Variants in DCLK1 observed in about 807,000 individuals in gnomAD.
DCLK1 encodes the protein serine/threonine-protein kinase DCLK1.
DCLK1 carries 16 observed loss-of-function variants against 86.2 expected under a neutral mutation model. The ratio of observed to expected loss-of-function variants is 0.19; its 90% confidence interval spans 0.13 to 0.28. The LOEUF is 0.28. Ranked by LOEUF, DCLK1 falls within the 10% of genes least tolerant of loss-of-function variation. The pLI is 1.00. For missense variants in DCLK1, 590 were observed against 940.2 expected, an observed-to-expected ratio of 0.63 and a Z score of 4.87; for synonymous variants, 369 against 370.5, an observed-to-expected ratio of 1.00 and a Z score of 0.05.
intron 16 of DCLK1, among the ~76,000 whole-genome samples, chr13:35,779,667 T>C (rs2086487862): frequency 6.6e-6 from 1 of 152,228 alleles, no homozygotes; most frequent in South Asian, 2.1e-4. Flanking sequence ...AACTTATGCT[T>C]CAAATATGAC....
chr13:36,007,935 T>C (rs1263630252), intron 3 of DCLK1, among the ~76,000 whole-genome samples: 1 of 152,070 alleles, frequency 6.6e-6, no homozygotes, highest in African/African-American at 2.4e-5. Flanking sequence ...GTGTGTCGTA[T>C]ACAAACCGTG....
intron 6 of DCLK1, among the ~76,000 whole-genome samples, chr13:35,844,578 C>T (rs1342664380): frequency 2.6e-5 from 4 of 152,178 alleles, no homozygotes; most frequent in African/African-American, 9.7e-5. Context: ...TTGGAAGCAG[C>T]CCAGGAAGTC....
At chr13:35,856,399 T>C (rs1871060203) in intron 5 of DCLK1, among the ~76,000 whole-genome samples, 1 of 152,186 alleles carries the variant, frequency 6.6e-6, no homozygotes, top group Non-Finnish European at 1.5e-5. Flanking sequence ...CCTTACTGGT[T>C]GGCTGGAGAA....
chr13:36,107,007 A>G (rs1164474330), intron 3 of DCLK1, among the ~76,000 whole-genome samples: 2 of 152,146 alleles, frequency 1.3e-5, no homozygotes, highest in Non-Finnish European at 2.9e-5. Context: ...CCTATTAATC[A>G]TCATTACCAT....
At chr13:35,812,118 G>A (rs60276583) in intron 11 of DCLK1, among the ~76,000 whole-genome samples, 4,616 of 152,268 alleles carry the variant, frequency 0.03, 83 homozygotes, top group African/African-American at 0.045. Context: ...GCATGTGACT[G>A]TAGGCAAGTA....
intron 3 of DCLK1, among the ~76,000 whole-genome samples, chr13:36,102,353 G>A (rs555993789): frequency 8.1e-4 from 123 of 152,076 alleles, no homozygotes; most frequent in African/African-American, 2.7e-3. Context: ...CTCTTGTAGG[G>A]GCACTCCTAG....
chr13:35,794,296 T>TATTA (rs1566535364), intron 15 of DCLK1, among the ~76,000 whole-genome samples: 1 of 152,238 alleles, frequency 6.6e-6, no homozygotes, highest in Non-Finnish European at 1.5e-5. Flanking sequence ...CATAGTGCCT[T>TATTA]GGCACATATT....
chr13:36,078,875 G>T (rs1884313394), intron 3 of DCLK1, among the ~76,000 whole-genome samples: 1 of 152,102 alleles, frequency 6.6e-6, no homozygotes. Context: ...TTTTTACTAG[G>T]CTTTGGAAGG....
intron 6 of DCLK1, among the ~76,000 whole-genome samples, chr13:35,845,627 C>T (rs1300024751): frequency 6.6e-6 from 1 of 152,146 alleles, no homozygotes; most frequent in Non-Finnish European, 1.5e-5. Flanking sequence ...TTAAGGCAAC[C>T]CTGAAAGGAA....
chr13:35,810,734 T>C lies in DCLK1; in HGVS notation c.1688+101A>G, dbSNP rs147769814. The C allele has an allele frequency of 2.8e-5, 38 of 1,371,288 alleles. No homozygotes were observed. In the Middle Eastern group the frequency reaches 5.6e-4, roughly 20 times the overall value. 84.9% of individuals were successfully genotyped at this position (1,371,288 alleles called of 1,614,324 possible). A position where few individuals can be genotyped will look rare whatever the true frequency, so the allele number is the denominator to read the frequency against. On this transcript the variant is annotated intron_variant, in intron 12 of 16. Coordinates refer to ENST00000360631, the MANE Select transcript of DCLK1 (RefSeq NM_001330071.2). ...AAAAGAGTGGAAGAAACCTGATAGC[T>C]AATTATGTCTGGATAGGGCACAGCA...
At chr13:36,104,851 T>C (rs1216701172) in intron 3 of DCLK1, among the ~76,000 whole-genome samples, 1 of 152,064 alleles carries the variant, frequency 6.6e-6, no homozygotes, top group Non-Finnish European at 1.5e-5. Context: ...AGCAGATCAG[T>C]TGCAATGGAA....
At chr13:35,841,656 G>A (rs1869799357) in intron 6 of DCLK1, among the ~76,000 whole-genome samples, 1 of 152,148 alleles carries the variant, frequency 6.6e-6, no homozygotes, top group African/African-American at 2.4e-5. Context: ...TGCTGCTTGA[G>A]AGTAACAGAT....
chr13:35,879,677 G>A (rs1388819518), intron 4 of DCLK1, among the ~76,000 whole-genome samples: 4 of 152,282 alleles, frequency 2.6e-5, no homozygotes, highest in Non-Finnish European at 5.9e-5. Flanking sequence ...TGCCTTGTCT[G>A]AGTTTCAACC....
Position 35,846,628 on chromosome 13 carries a change from C to T in DCLK1, c.1036-7452G>A, listed in dbSNP as rs1018985632. 17 of 985,200 alleles carry T rather than the reference C, an allele frequency of 1.7e-5. 1 individual carries two copies. The Admixed American group carries it at 1.8e-4, about 11-fold the overall frequency. 61.0% of individuals were successfully genotyped at this position (985,200 alleles called of 1,614,324 possible). On this transcript the variant is annotated intron_variant, in intron 6 of 16. Coordinates refer to ENST00000360631, the MANE Select transcript of DCLK1 (RefSeq NM_001330071.2). Reference sequence around the variant, plus strand: ...ATATTTTTCAACTGACAGTACAACACGCTATATCAGGCAATTGGTATATTG... The same window carrying T: ...ATATTTTTCAACTGACAGTACAACATGCTATATCAGGCAATTGGTATATTG...
chr13:35,901,491 C>CAAAAAAAAAA (rs58801666), intron 4 of DCLK1, among the ~76,000 whole-genome samples: 4 of 45,878 alleles, frequency 8.7e-5, no homozygotes, highest in African/African-American at 2.9e-4. Flanking sequence ...GACTCTGTCT[C>CAAAAAAAAAA]AAAAAAAAAA....
intron 4 of DCLK1, 100 bp downstream of exon 4, chr13:35,947,258 G>T: frequency 2.4e-6 from 2 of 824,094 alleles, no homozygotes; most frequent in Non-Finnish European, 3.9e-6. Context: ...ATCTGAAACT[G>T]ATTTGGTAGC....
Position 35,771,950 on chromosome 13 carries a change from T to G in DCLK1, c.*2585A>C, listed in dbSNP as rs1194435223. The G allele has an allele frequency of 2.0e-5, 3 of 152,218 alleles. No individual in the cohort carries two copies. Among genetic ancestry groups the G allele is most frequent in the Non-Finnish European group, 2.9e-5 (2 of 68,042 alleles). 9.4% of individuals were successfully genotyped at this position (152,218 alleles called of 1,614,324 possible). On this transcript the variant is annotated 3_prime_UTR_variant, in exon 17 of 17. Transcript: ENST00000360631. ...GAGAAAAAAATTAGAAAGCACTGGCTAAAAGCAAAGCAATCTGGATACACC... is the reference window on the plus strand; with the variant it reads ...GAGAAAAAAATTAGAAAGCACTGGCGAAAAGCAAAGCAATCTGGATACACC...
chr13:35,986,300 C>CAAAAAA (rs60156251), intron 3 of DCLK1, among the ~76,000 whole-genome samples: 1 of 44,400 alleles, frequency 2.3e-5, no homozygotes, highest in African/African-American at 1.0e-4. Context: ...GACTCCGTCT[C>CAAAAAA]AAAAAAAAAA....
At chr13:35,895,589 AT>A (rs1873914077) in intron 4 of DCLK1, among the ~76,000 whole-genome samples, 1 of 152,174 alleles carries the variant, frequency 6.6e-6, no homozygotes, top group South Asian at 2.1e-4. Context: ...GAAGTGGCTA[AT>A]TATGTCTTTG....
Sources: gnomAD v4.1 joint callset for allele counts (sites outside exome capture counted in the v4.1 genomes callset) on GRCh38, gnomAD v4.1.1 for gene constraint, MANE v1.5 for transcripts, NCBI Gene and HGNC (gene_info 2026-07-23, HGNC 2026-07-21) for gene names.